The following XRCC5 variants were observed in gnomAD, a reference collection of about 807,000 sequenced individuals.
The protein encoded by XRCC5 is X-ray repair cross complementing 5, also known as DNA repair protein Ku80.
In XRCC5, 12 loss-of-function variants were observed where a neutral mutation model predicts 95.7. The observed-to-expected ratio is 0.13, with a 90% CI of 0.08 to 0.20. The LOEUF is 0.20. Among genes scored for constraint, XRCC5 ranks in the 10% least tolerant of loss-of-function variants. The probability of loss-of-function intolerance (pLI) is 1.00; values close to 1 mark genes in which losing one functional copy is unlikely to be tolerated. For missense variants in XRCC5, 595 were observed against 873.9 expected (o/e 0.68, Z 4.02); for synonymous variants, 281 against 290.3 (o/e 0.97, Z 0.33).
chr2:216,191,532 T>A (rs1268082247), intron 17 of XRCC5, among the ~76,000 whole-genome samples: 1 of 151,870 alleles, frequency 6.6e-6, no homozygotes, highest in Non-Finnish European at 1.5e-5. Flanking sequence ...TGCCTCAGCC[T>A]CCCGAGTAGC....
chr2:216,144,920 C>G (rs533039121), intron 13 of XRCC5, among the ~76,000 whole-genome samples: 5 of 152,322 alleles, frequency 3.3e-5, no homozygotes, highest in African/African-American at 9.6e-5. Flanking sequence ...AAACCAAATG[C>G]TCCTACCTCC....
chr2:216,111,013 A>T (rs1364955674), intron 1 of XRCC5, among the ~76,000 whole-genome samples: 3 of 152,196 alleles, frequency 2.0e-5, no homozygotes, highest in Admixed American at 2.0e-4. Context: ...ACATTTAGAA[A>T]TCATCTATAA....
At chr2:216,161,913 T>C in intron 15 of XRCC5, 66 bp from the exon 16 acceptor site, 1 of 1,351,796 alleles carries the variant, frequency 7.4e-7, no homozygotes, top group Non-Finnish European at 1.1e-6. Context: ...AGCCATCTTG[T>C]ATTGCCTGGG....
intron 16 of XRCC5, among the ~76,000 whole-genome samples, chr2:216,176,981 TA>T (rs1689289269): frequency 6.6e-6 from 1 of 152,236 alleles, no homozygotes; most frequent in Middle Eastern, 3.2e-3. Context: ...AATGTGTTCT[TA>T]AATTCCAAAT....
chr2:216,110,338 A>G (rs1696564023), intron 1 of XRCC5: 2 of 152,226 alleles, frequency 1.3e-5, no homozygotes, highest in Non-Finnish European at 2.9e-5. Context: ...TTTATTCAAT[A>G]CAGATAAACA....
intron 17 of XRCC5, among the ~76,000 whole-genome samples, chr2:216,191,444 T>G (rs1019408231): frequency 2.6e-5 from 4 of 151,928 alleles, no homozygotes; most frequent in African/African-American, 9.7e-5. Flanking sequence ...GGACTTTCAC[T>G]CTTGTCGCCC....
intron 16 of XRCC5, among the ~76,000 whole-genome samples, chr2:216,167,570 T>G (rs1014158900): frequency 7.2e-6 from 1 of 138,396 alleles, no homozygotes; most frequent in Non-Finnish European, 1.6e-5. Context: ...GTGTGTGGGT[T>G]TGTGTGTGTG....
intron 7 of XRCC5, among the ~76,000 whole-genome samples, chr2:216,126,270 G>A (rs1409124672): frequency 6.6e-6 from 1 of 152,092 alleles, no homozygotes; most frequent in Non-Finnish European, 1.5e-5. Flanking sequence ...TCTCTCCATT[G>A]GTAATTGATT....
intron 18 of XRCC5, among the ~76,000 whole-genome samples, chr2:216,193,868 A>T (rs1009753109): frequency 6.6e-6 from 1 of 152,204 alleles, no homozygotes; most frequent in Admixed American, 6.5e-5. Flanking sequence ...CAGCCATTTG[A>T]TGTAGGAAAA....
chr2:216,172,417 T>C (rs1689181409), intron 16 of XRCC5, among the ~76,000 whole-genome samples: 1 of 151,830 alleles, frequency 6.6e-6, no homozygotes, highest in Non-Finnish European at 1.5e-5. Flanking sequence ...ATGTTTTAAC[T>C]ACTCTATGTC....
chr2:216,138,412 T>C (rs924271373), intron 12 of XRCC5, among the ~76,000 whole-genome samples: 1 of 152,234 alleles, frequency 6.6e-6, no homozygotes, highest in African/African-American at 2.4e-5. Context: ...CCTTGGAGCA[T>C]GTACCTAGGG....
chr2:216,127,049 C>T (rs547642813), intron 7 of XRCC5, among the ~76,000 whole-genome samples: 6 of 152,050 alleles, frequency 3.9e-5, no homozygotes, highest in African/African-American at 1.2e-4. Context: ...GCCAGGAGTT[C>T]GAAACCAGCC....
At chr2:216,193,694 ATGCC>A (rs1689661785) in intron 18 of XRCC5, among the ~76,000 whole-genome samples, 1 of 152,230 alleles carries the variant, frequency 6.6e-6, no homozygotes, top group African/African-American at 2.4e-5. Context: ...TATTTATTGA[ATGCC>A]TATAGCGTAT....
chr2:216,172,422 T>C (rs1689181587), intron 16 of XRCC5, among the ~76,000 whole-genome samples: 1 of 151,972 alleles, frequency 6.6e-6, no homozygotes. Context: ...TTAACTACTC[T>C]ATGTCATTTG....
At chr2:216,182,975 C>G (rs1443946030) in intron 16 of XRCC5, among the ~76,000 whole-genome samples, 3 of 152,170 alleles carry the variant, frequency 2.0e-5, no homozygotes, top group Non-Finnish European at 4.4e-5. Flanking sequence ...GGGAACAGAT[C>G]TGGTCATATA....
chr2:216,151,392 A>G (rs1688741489), intron 14 of XRCC5, among the ~76,000 whole-genome samples: 1 of 152,130 alleles, frequency 6.6e-6, no homozygotes, highest in Non-Finnish European at 1.5e-5. Flanking sequence ...CGTGATCTTG[A>G]TTTCTGTTTA....
Position 216,160,032 on chromosome 2 carries a change from G to T in XRCC5, c.1671-36G>T, listed in dbSNP as rs41301698. The T allele has an allele frequency of 1.6e-3, 1,965 of 1,263,564 alleles. 20 individuals are homozygous for T. In the African/African-American group the frequency reaches 0.028, roughly 18 times the overall value. 78.3% of individuals were successfully genotyped at this position (1,263,564 alleles called of 1,614,324 possible). ...CACAATAGCAATCTGGTTTTGTATTGTTTGTTCTAAGAGAAATTTTTTTTT... is the reference window on the plus strand; with the variant it reads ...CACAATAGCAATCTGGTTTTGTATTTTTTGTTCTAAGAGAAATTTTTTTTT... On this transcript the variant is annotated intron_variant, in intron 14 of 20. Coordinates refer to ENST00000392132, the MANE Select transcript of XRCC5 (RefSeq NM_021141.4).
chr2:216,126,769 G>C (rs1559240021), intron 7 of XRCC5, among the ~76,000 whole-genome samples: 1 of 151,920 alleles, frequency 6.6e-6, no homozygotes, highest in African/African-American at 2.4e-5. Flanking sequence ...GAGAACCTTG[G>C]GGCAGTTCTT....
At chr2:216,162,702 AT>A (rs1015298708) in intron 16 of XRCC5, among the ~76,000 whole-genome samples, 14 of 151,924 alleles carry the variant, frequency 9.2e-5, no homozygotes, top group African/African-American at 3.4e-4. Context: ...ACATCTTCCT[AT>A]TTTCAGAGAC....
Sources: gnomAD v4.1 joint callset for allele counts (sites outside exome capture counted in the v4.1 genomes callset) on GRCh38, gnomAD v4.1.1 for gene constraint, MANE v1.5 for transcripts, NCBI Gene and HGNC (gene_info 2026-07-23, HGNC 2026-07-21) for gene names.